The following RAD21L1 variants were observed in gnomAD, a reference collection of about 807,000 sequenced individuals.
The protein encoded by RAD21L1 is RAD21 cohesin complex component like 1.
Under a neutral mutation model 69.0 loss-of-function variants are expected in RAD21L1, and 47 were observed. That is an observed-to-expected ratio of 0.68 (90% CI 0.54 to 0.87). RAD21L1 has a LOEUF of 0.87. Among genes scored for constraint, RAD21L1 ranks in the 40% least tolerant of loss-of-function variants. The probability of loss-of-function intolerance (pLI) is 0.00; values close to 1 mark genes in which losing one functional copy is unlikely to be tolerated. For missense variants in RAD21L1, 583 were observed against 647.6 expected, an observed-to-expected ratio of 0.90 and a Z score of 1.08; for synonymous variants, 177 against 205.8, an observed-to-expected ratio of 0.86 and a Z score of 1.20.
chr20:1,254,308 A>C lies in RAD21L1; in HGVS notation c.1519A>C (p.Lys507Gln), dbSNP rs1253867402. The C allele has an allele frequency of 1.9e-6, 3 of 1,550,246 alleles. No individual in the cohort carries two copies. Among genetic ancestry groups the C allele is most frequent in the South Asian group, 2.4e-5 (2 of 83,920 alleles). Residue 507 changes from lysine to glutamine, a missense_variant, in exon 14 of 14, where the codon AAG (lysine) becomes CAG (glutamine). Lys to Gln is a moderately conservative substitution (Grantham distance 53, BLOSUM62 1). Transcript: ENST00000683101. Reference sequence around the variant, plus strand: ...GGGAATGCAGTCCTTTAGTCTGATGAAGCTCTGTAGAAATAGTGACCGAAA... The same window carrying C: ...GGGAATGCAGTCCTTTAGTCTGATGCAGCTCTGTAGAAATAGTGACCGAAA... Reference protein sequence around the residue: ...KMGMQSFSLMKLCRNSDRKQA... With the variant: ...KMGMQSFSLMQLCRNSDRKQA...
chr20:1,229,799 C>A, intron 2 of RAD21L1, 81 bp from the exon 3 acceptor site: 2 of 1,093,618 alleles, frequency 1.8e-6, no homozygotes, highest in Non-Finnish European at 2.6e-6. Context: ...AGAACCAATT[C>A]TTACGATGTC....
At position 1,248,618 on chromosome 20, in the gene RAD21L1, T is replaced by C; in HGVS notation, c.1402-8T>C. The C allele has an allele frequency of 6.7e-7, 1 of 1,483,300 alleles. No homozygotes were observed. Among genetic ancestry groups the C allele is most frequent in the East Asian group, 2.5e-5 (1 of 40,010 alleles). 91.9% of individuals were successfully genotyped at this position (1,483,300 alleles called of 1,614,324 possible). A position where few individuals can be genotyped will look rare whatever the true frequency, so the allele number is the denominator to read the frequency against. On this transcript the variant is annotated splice_region_variant and splice_polypyrimidine_tract_variant and intron_variant, in intron 12 of 13. Coordinates refer to ENST00000683101, the MANE Select transcript of RAD21L1 (RefSeq NM_001384355.1). ...TTAAATTAAATATTTTATCTATCATTCAAACAGGAGTCATTGAGCAATGAA... is the reference window on the plus strand; with the variant it reads ...TTAAATTAAATATTTTATCTATCATCCAAACAGGAGTCATTGAGCAATGAA...
chr20:1,227,512 C>G (rs1328540125), intron 1 of RAD21L1, among the ~76,000 whole-genome samples: 1 of 152,174 alleles, frequency 6.6e-6, no homozygotes, highest in African/African-American at 2.4e-5. Flanking sequence ...TCAGTTTTCT[C>G]TTTTATCAGT....
chr20:1,230,554 G>A, intron 3 of RAD21L1: 1 of 439,442 alleles, frequency 2.3e-6, no homozygotes, highest in Non-Finnish European at 3.0e-6. Flanking sequence ...CTTGTATTAT[G>A]GCTACTTAGG....
rs1249873693 is a variant in RAD21L1, at chr20:1,228,292, A to G, written c.-32-130A>G. On this transcript the variant is annotated intron_variant, in intron 1 of 13. Coordinates refer to ENST00000683101, the MANE Select transcript of RAD21L1 (RefSeq NM_001384355.1). ...ATAAGTTTCTCTTATTTACAAGAGA[A>G]TAAATTGTATTGAATAATTGAATTA... The G allele has an allele frequency of 8.4e-6, 4 of 478,734 alleles. No individual in the cohort carries two copies. In the East Asian group the frequency reaches 1.1e-4, roughly 13 times the overall value. The allele number at this position is 478,734 out of a possible 1,614,324, so 29.7% of individuals were successfully genotyped here. A position where few individuals can be genotyped will look rare whatever the true frequency, so the allele number is the denominator to read the frequency against.
chr20:1,252,642 T>C (rs1481555203), intron 13 of RAD21L1, among the ~76,000 whole-genome samples: 1 of 152,212 alleles, frequency 6.6e-6, no homozygotes, highest in Non-Finnish European at 1.5e-5. Context: ...CGCCTTCTGC[T>C]GTGTGAGTAG....
intron 8 of RAD21L1, among the ~76,000 whole-genome samples, chr20:1,241,278 AAT>A (rs1366690016): frequency 2.0e-5 from 3 of 152,260 alleles, no homozygotes; most frequent in African/African-American, 7.2e-5. Context: ...AAGTGAATAT[AAT>A]ATAAGGCAGA....
chr20:1,234,639 TG>T (rs1395692980), intron 5 of RAD21L1, among the ~76,000 whole-genome samples: 1 of 152,226 alleles, frequency 6.6e-6, no homozygotes, highest in Non-Finnish European at 1.5e-5. Flanking sequence ...TAAATCAGCC[TG>T]GGGGTGAGGA....
intron 5 of RAD21L1, among the ~76,000 whole-genome samples, chr20:1,235,185 T>C (rs1007543351): frequency 6.6e-6 from 1 of 152,226 alleles, no homozygotes; most frequent in Non-Finnish European, 1.5e-5. Flanking sequence ...GAGGATAGAA[T>C]CTGTGTAATG....
chr20:1,237,313 G>A (rs1411603976), intron 5 of RAD21L1, among the ~76,000 whole-genome samples: 2 of 152,146 alleles, frequency 1.3e-5, no homozygotes, highest in African/African-American at 4.8e-5. Flanking sequence ...TGATTGTCAG[G>A]ATGCAGGCTC....
At chr20:1,230,621 A>T (rs1039102038) in intron 3 of RAD21L1, 1 of 327,144 alleles carries the variant, frequency 3.1e-6, no homozygotes, top group Non-Finnish European at 4.4e-6. Flanking sequence ...GGTCTTTGTC[A>T]TAATTATTTT....
intron 3 of RAD21L1, chr20:1,230,673 C>A: frequency 7.7e-6 from 3 of 391,690 alleles, no homozygotes; most frequent in Non-Finnish European, 1.0e-5. Flanking sequence ...TTGCACATAC[C>A]ATTTCCTCAA....
intron 1 of RAD21L1, among the ~76,000 whole-genome samples, chr20:1,227,962 C>T (rs2087299508): frequency 6.6e-6 from 1 of 152,060 alleles, no homozygotes; most frequent in Admixed American, 6.5e-5. Flanking sequence ...AATTCAACAC[C>T]TGCGTATAAA....
At chr20:1,252,218 C>G (rs1020297550) in intron 13 of RAD21L1, among the ~76,000 whole-genome samples, 3 of 152,112 alleles carry the variant, frequency 2.0e-5, no homozygotes, top group Non-Finnish European at 4.4e-5. Context: ...AGATTTTACT[C>G]AAATGTCTTG....
At chr20:1,252,559 A>G (rs946171675) in intron 13 of RAD21L1, among the ~76,000 whole-genome samples, 1 of 151,084 alleles carries the variant, frequency 6.6e-6, no homozygotes. Context: ...GTGGTATGAC[A>G]CTTCACCATC....
intron 3 of RAD21L1, among the ~76,000 whole-genome samples, chr20:1,231,219 G>A (rs1015772945): frequency 1.3e-5 from 2 of 152,232 alleles, no homozygotes; most frequent in African/African-American, 4.8e-5. Flanking sequence ...AGTATGGTCA[G>A]TATGGTGAAT....
At chr20:1,235,772 CTT>C (rs11475976) in intron 5 of RAD21L1, among the ~76,000 whole-genome samples, 26 of 145,944 alleles carry the variant, frequency 1.8e-4, no homozygotes, top group Non-Finnish European at 2.4e-4. Context: ...TTTAGGATCA[CTT>C]TTTTTTTTTT....
rs1437128161 is a variant in RAD21L1 at position 1,238,125 on chromosome 20, A to G, written c.557A>G (p.His186Arg). 11 of 1,544,780 alleles carry G rather than the reference A, an allele frequency of 7.1e-6. No individual in the cohort carries two copies. In the East Asian group the frequency reaches 7.4e-5, roughly 10 times the overall value. Residue 186 changes from histidine to arginine, a missense_variant, in exon 6 of 14, where the codon CAT becomes CGT. Transcript: ENST00000683101. ...LLNSSGPLIE[H>R]SSGSLTGERS... The stretch of plus-strand genomic sequence containing the variant: ...AATTCCAGTGGTCCTTTAATTGAAC[A>G]TAGTTCTGGAAGCCTCACTGGAGAA...
rs1278718952 is a variant in RAD21L1, at chr20:1,239,374, T to C, written c.709T>C (p.Ser237Pro). 6.5e-7 allele frequency: 1 copy of C among 1,550,020 alleles called. No homozygotes were observed. The highest frequency in any genetic ancestry group is 8.7e-7 in the Non-Finnish European group (1 of 1,145,468). ...AGACATGCATTTGAACAGAGAAATT[T>C]CCCTGCCTTCTGAGCCTCCCAATAG... ...LEDMHLNREI[S>P]LPSEPPNSLA... Residue 237 changes from serine (S) to proline (P), a missense_variant, in exon 7 of 14, where the codon TCC becomes CCC. Transcript: ENST00000683101.
Sources: gnomAD v4.1 joint callset for allele counts (sites outside exome capture counted in the v4.1 genomes callset) on GRCh38, gnomAD v4.1.1 for gene constraint, MANE v1.5 for transcripts, NCBI Gene and HGNC (gene_info 2026-07-23, HGNC 2026-07-21) for gene names.